TMPRSS11F: variants seen among roughly 807,000 people sequenced by gnomAD.
TMPRSS11F encodes the protein transmembrane protease serine 11F.
A neutral mutation model predicts 60.2 loss-of-function variants in TMPRSS11F; 47 were observed. The observed-to-expected ratio is 0.78, with a 90% CI of 0.62 to 1.00. TMPRSS11F has a LOEUF of 1.00. Among genes scored for constraint, TMPRSS11F ranks in the 50% least tolerant of loss-of-function variants. The pLI, the probability that TMPRSS11F is intolerant of heterozygous loss-of-function variation, is 0.00. For missense variants in TMPRSS11F, 519 were observed against 522.9 expected, an observed-to-expected ratio of 0.99 and a Z score of 0.07; for synonymous variants, 166 against 167.3, an observed-to-expected ratio of 0.99 and a Z score of 0.06.
At chr4:68,077,994 G>A (rs566741621) in intron 3 of TMPRSS11F, among the ~76,000 whole-genome samples, 103 of 152,224 alleles carry the variant, frequency 6.8e-4, no homozygotes, top group Non-Finnish European at 1.1e-3. Context: ...GATGGAAGAC[G>A]GAAGCGGAGA....
intron 1 of TMPRSS11F, among the ~76,000 whole-genome samples, chr4:68,099,964 C>A (rs1186625009): frequency 6.6e-6 from 1 of 151,110 alleles, no homozygotes; most frequent in East Asian, 1.9e-4. Context: ...GAGCACTAAA[C>A]TTTTTGAAGG....
rs572386668 is a variant in TMPRSS11F, at chr4:68,128,657, G to A, written c.11+1153C>T. On this transcript the variant is annotated intron_variant, in intron 1 of 9. Coordinates refer to ENST00000356291, the MANE Select transcript of TMPRSS11F (RefSeq NM_207407.2). ...CTCCAAATTTTTCTAATTTTTTAAA[G>A]AAATTTTTAGCATATTATATTTATA... Among the ~76,000 whole-genome samples, 2 of 151,970 alleles carry A rather than the reference G, an allele frequency of 1.3e-5. 1 individual carries two copies. Among genetic ancestry groups the A allele is most frequent in the Middle Eastern group, 6.3e-3 (2 of 316 alleles).
chr4:68,059,294 T>G (rs574861893), intron 9 of TMPRSS11F, 32 bp downstream of exon 9: 1 of 1,607,408 alleles, frequency 6.2e-7, no homozygotes, highest in African/African-American at 1.3e-5. Context: ...GAAACTTTCC[T>G]CATAAACTTT....
intron 1 of TMPRSS11F, among the ~76,000 whole-genome samples, chr4:68,118,701 A>G (rs140347980): frequency 2.0e-5 from 3 of 152,336 alleles, no homozygotes; most frequent in East Asian, 1.9e-4. Context: ...AGGGGGAAAT[A>G]CAAATATTAA....
chr4:68,112,338 G>A (rs1724423754), intron 1 of TMPRSS11F, among the ~76,000 whole-genome samples: 1 of 151,962 alleles, frequency 6.6e-6, no homozygotes, highest in Non-Finnish European at 1.5e-5. Context: ...CACCCTTCAA[G>A]ATCCAGCTTA....
At chr4:68,108,870 G>A (rs540188864) in intron 1 of TMPRSS11F, among the ~76,000 whole-genome samples, 308 of 152,214 alleles carry the variant, frequency 2.0e-3, no homozygotes, top group African/African-American at 7.0e-3. Context: ...GGGATTTGAA[G>A]GATTCCTTTT....
intron 2 of TMPRSS11F, among the ~76,000 whole-genome samples, chr4:68,091,940 C>T (rs1723950887): frequency 6.6e-6 from 1 of 151,912 alleles, no homozygotes; most frequent in South Asian, 2.1e-4. Context: ...GGGGACGCCA[C>T]TACACCCGAC....
intron 3 of TMPRSS11F, among the ~76,000 whole-genome samples, chr4:68,074,211 T>C (rs1355327702): frequency 1.3e-5 from 2 of 152,222 alleles, no homozygotes; most frequent in Non-Finnish European, 2.9e-5. Context: ...AGACTAAACC[T>C]GGGGTCTAAT....
intron 1 of TMPRSS11F, among the ~76,000 whole-genome samples, chr4:68,108,063 G>C (rs1436761502): frequency 6.6e-6 from 1 of 152,180 alleles, no homozygotes; most frequent in Non-Finnish European, 1.5e-5. Context: ...AGTGGAAGCA[G>C]CAAAACTGAT....
In TMPRSS11F at chr4:68,057,653, A is replaced by T. The variant is rs61041942; in HGVS notation, c.1158+1673T>A. Among the ~76,000 whole-genome samples, 787 of 152,330 alleles carry T rather than the reference A, an allele frequency of 5.2e-3. 7 individuals carry two copies. Among genetic ancestry groups the T allele is most frequent in the African/African-American group, 0.018 (743 of 41,590 alleles). ...CAAAATATATAAAGAAGTTAACACA[A>T]TAGCAAAAAACAAAACAAACAAAAC... On this transcript the variant is annotated intron_variant, in intron 9 of 9. Transcript: ENST00000356291.
chr4:68,129,701 T>A, intron 1 of TMPRSS11F, 109 bp downstream of exon 1: 5 of 967,124 alleles, frequency 5.2e-6, no homozygotes, highest in Non-Finnish European at 7.9e-6. Context: ...ACATTAAAAC[T>A]CTAATGTTTA....
At chr4:68,120,367 C>T (rs1043520159) in intron 1 of TMPRSS11F, among the ~76,000 whole-genome samples, 3 of 148,778 alleles carry the variant, frequency 2.0e-5, no homozygotes, top group Admixed American at 2.0e-4. Context: ...TCACATGCTA[C>T]AGAGAAATCT....
chr4:68,106,645 C>T (rs1230811761), intron 1 of TMPRSS11F, among the ~76,000 whole-genome samples: 1 of 152,086 alleles, frequency 6.6e-6, no homozygotes, highest in Non-Finnish European at 1.5e-5. Flanking sequence ...AATTAGCTTC[C>T]TATCAGCTAG....
Position 68,107,114 on chromosome 4 carries a change from C to T in TMPRSS11F, c.12-8076G>A, listed in dbSNP as rs537037620. Among the ~76,000 whole-genome samples the T allele has an allele frequency of 6.6e-5, 10 of 152,264 alleles. No individual in the cohort carries two copies. In the South Asian group the frequency reaches 2.1e-3, roughly 32 times the overall value. On this transcript the variant is annotated intron_variant, in intron 1 of 9. Coordinates refer to ENST00000356291, the MANE Select transcript of TMPRSS11F (RefSeq NM_207407.2). ...CTTGTATTAGAATGGTCACATTTTC[C>T]ACCTCAAGAAGACTTTATAGTTACT... is the stretch of plus-strand genomic sequence containing the variant.
intron 2 of TMPRSS11F, 149 bp downstream of exon 2, chr4:68,098,738 A>G: frequency 2.8e-6 from 2 of 702,274 alleles, no homozygotes; most frequent in Non-Finnish European, 4.5e-6. Context: ...ACAGAGCTCA[A>G]TACAGAAGCA....
At chr4:68,098,677 G>A (rs1000797317) in intron 2 of TMPRSS11F, among the ~76,000 whole-genome samples, 3 of 151,868 alleles carry the variant, frequency 2.0e-5, no homozygotes, top group African/African-American at 2.4e-5. Flanking sequence ...TTTTAGATAC[G>A]TCTATCAATG....
intron 1 of TMPRSS11F, among the ~76,000 whole-genome samples, chr4:68,117,184 T>C (rs1467562507): frequency 1.3e-5 from 2 of 152,008 alleles, no homozygotes; most frequent in African/African-American, 4.8e-5. Context: ...AATGGACAAA[T>C]TGGCCAGGCG....
At chr4:68,099,657 T>G (rs1033297071) in intron 1 of TMPRSS11F, among the ~76,000 whole-genome samples, 1 of 152,212 alleles carries the variant, frequency 6.6e-6, no homozygotes, top group African/African-American at 2.4e-5. Flanking sequence ...AGATTCAATA[T>G]TGTGATATCT....
intron 3 of TMPRSS11F, among the ~76,000 whole-genome samples, chr4:68,087,773 G>A (rs1368865586): frequency 1.3e-5 from 2 of 151,258 alleles, no homozygotes; most frequent in African/African-American, 2.4e-5. Context: ...CAATGTGCAG[G>A]TTAGTTACAT....
Sources: allele counts gnomAD v4.1 joint callset (sites outside exome capture counted in the v4.1 genomes callset), GRCh38; gene constraint gnomAD v4.1.1; transcripts MANE v1.5; gene names NCBI Gene and HGNC (gene_info 2026-07-23, HGNC 2026-07-21).